Variants in FMO1 observed in about 807,000 individuals in gnomAD.
FMO1 encodes the protein flavin-containing monooxygenase 1.
FMO1 carries 36 observed loss-of-function variants against 45.4 expected under a neutral mutation model. That is an observed-to-expected ratio of 0.79 (90% CI 0.61 to 1.05). FMO1 has a LOEUF of 1.05. FMO1 is among the 50% of genes least tolerant of loss of function. The pLI is 0.00. For synonymous variants in FMO1, 228 were observed against 227.2 expected, an observed-to-expected ratio of 1.00 and a Z score of -0.03; for missense variants, 615 against 640.3, an observed-to-expected ratio of 0.96 and a Z score of 0.43.
chr1:171,283,222 T>C lies in FMO1; in HGVS notation c.1256+6T>C, dbSNP rs1199609455. ...AAAGAAAACAAGCCCAGTTGGTAAGTTAACTACTTAATGCACCCTTTTTAA... is the reference window on the plus strand; with the variant it reads ...AAAGAAAACAAGCCCAGTTGGTAAGCTAACTACTTAATGCACCCTTTTTAA... On this transcript the variant is annotated splice_donor_region_variant and intron_variant, in intron 8 of 8. Transcript: ENST00000617670. The C allele has an allele frequency of 8.2e-7, 1 of 1,215,870 alleles. No homozygotes were observed. The highest frequency in any genetic ancestry group is 1.7e-5 in the African/African-American group (1 of 58,966). 75.3% of individuals were successfully genotyped at this position (1,215,870 alleles called of 1,614,324 possible).
intron 2 of FMO1, among the ~76,000 whole-genome samples, chr1:171,261,932 A>G (rs1003826387): frequency 1.3e-5 from 2 of 152,188 alleles, no homozygotes; most frequent in African/African-American, 2.4e-5. Context: ...CTACAGGGAT[A>G]AAGAACCACT....
At chr1:171,273,573 T>C (rs967868950) in intron 3 of FMO1, among the ~76,000 whole-genome samples, 22 of 152,186 alleles carry the variant, frequency 1.4e-4, no homozygotes, top group Admixed American at 1.1e-3. Flanking sequence ...AGTGGCAGGA[T>C]CTTATCTCAC....
chr1:171,274,459 T>C (rs899355963), intron 3 of FMO1, among the ~76,000 whole-genome samples: 5 of 151,982 alleles, frequency 3.3e-5, no homozygotes, highest in African/African-American at 1.2e-4. Flanking sequence ...AGATGGGATT[T>C]TGCCATGTTG....
At chr1:171,249,512 T>C (rs1659784624) in intron 1 of FMO1, among the ~76,000 whole-genome samples, 1 of 152,202 alleles carries the variant, frequency 6.6e-6, no homozygotes, top group Admixed American at 6.5e-5. Flanking sequence ...TCTTACCAGC[T>C]GTGCTCCTTT....
chr1:171,271,428 G>A, intron 3 of FMO1: 1 of 1,022,988 alleles, frequency 9.8e-7, no homozygotes, highest in Non-Finnish European at 1.6e-6. Flanking sequence ...TTTCTCTTTA[G>A]CAGACATGGT....
chr1:171,260,821 T>G (rs1660346514), intron 2 of FMO1, among the ~76,000 whole-genome samples: 1 of 141,148 alleles, frequency 7.1e-6, no homozygotes. Context: ...TCCCAGCTAC[T>G]CAGGAGGCTG....
At position 171,250,300 on chromosome 1, in the gene FMO1, A is replaced by C. The variant is rs28602552; in HGVS notation, c.-7+1677A>C. 2.9e-3 allele frequency among the ~76,000 whole-genome samples: 443 copies of C among 152,318 alleles called. 5 individuals are homozygous for C. Among genetic ancestry groups the C allele is most frequent in the African/African-American group, 0.01 (427 of 41,550 alleles). ...CTTTTTGTCATAGCAATTGTCAAAC[A>C]CCCAGCTTTGCAAAGATATGATGTC... On this transcript the variant is annotated intron_variant, in intron 1 of 8. Coordinates refer to ENST00000617670, the MANE Select transcript of FMO1 (RefSeq NM_001282693.2).
At chr1:171,276,202 G>C (rs997144590) in intron 4 of FMO1, among the ~76,000 whole-genome samples, 2 of 152,160 alleles carry the variant, frequency 1.3e-5, no homozygotes, top group Non-Finnish European at 2.9e-5. Context: ...ATCATCTAAT[G>C]ATTGCCTAGA....
In FMO1 at chr1:171,281,862, G is replaced by A. The variant is rs138807132; in HGVS notation, c.828-116G>A. ...GAAGTAACATCTCCCAAGACTTGCA[G>A]CAATTCTTGTCCAACCAAGGAGAGA... On this transcript the variant is annotated intron_variant, in intron 6 of 8. Coordinates refer to ENST00000617670, the MANE Select transcript of FMO1 (RefSeq NM_001282693.2). 49 of 613,244 alleles carry A rather than the reference G, an allele frequency of 8.0e-5. No homozygotes were observed. The East Asian group carries it at 1.3e-3, about 16-fold the overall frequency. 38.0% of individuals were successfully genotyped at this position (613,244 alleles called of 1,614,324 possible).
chr1:171,267,089 T>C (rs1456854554), intron 2 of FMO1, among the ~76,000 whole-genome samples: 1 of 152,246 alleles, frequency 6.6e-6, no homozygotes, highest in Non-Finnish European at 1.5e-5. Context: ...CAGCTATCAT[T>C]GCCTCTGCTC....
chr1:171,278,650 G>A (rs1453839053), intron 4 of FMO1, 79 bp from the exon 5 acceptor site: 1 of 1,107,526 alleles, frequency 9.0e-7, no homozygotes, highest in Non-Finnish European at 1.3e-6. Flanking sequence ...TCAAAAGAAT[G>A]TTATCAACTG....
chr1:171,282,295 G>A lies in FMO1; in HGVS notation c.1145G>A (p.Gly382Glu). 1 of 1,613,484 alleles carries A rather than the reference G, an allele frequency of 6.2e-7. No individual in the cohort carries two copies. The highest frequency in any genetic ancestry group is 8.5e-7 in the Non-Finnish European group (1 of 1,179,576). The change falls in exon 7 of 9, where the codon GGA becomes GAA. Residue 382 changes from glycine (G) to glutamate (E), a missense_variant. Transcript: ENST00000617670. The part of the protein sequence containing the change: ...IKPLGSMIPT[G>E]ETQARWAVRV... Reference sequence around the variant, plus strand: ...CCCTTGGGCTCCATGATACCTACAGGAGAAACACAAGCTCGGTGGGCTGTT... The same window carrying A: ...CCCTTGGGCTCCATGATACCTACAGAAGAAACACAAGCTCGGTGGGCTGTT...
intron 1 of FMO1, among the ~76,000 whole-genome samples, chr1:171,250,741 C>T (rs1336188242): frequency 6.6e-6 from 1 of 152,090 alleles, no homozygotes; most frequent in African/African-American, 2.4e-5. Flanking sequence ...AATTTTCACC[C>T]ATTGGCATCT....
chr1:171,258,429 A>T (rs532885496), intron 2 of FMO1, among the ~76,000 whole-genome samples: 4 of 152,202 alleles, frequency 2.6e-5, no homozygotes. Context: ...TGTACACTTT[A>T]TCTAGAGCCA....
intron 3 of FMO1, 55 bp downstream of exon 3, chr1:171,267,786 T>C (rs745316661): frequency 1.4e-5 from 19 of 1,380,458 alleles, no homozygotes; most frequent in Non-Finnish European, 1.7e-5. Context: ...CTATTTTCTC[T>C]TATCTCTCCA....
chr1:171,285,903 G>C lies in FMO1; in HGVS notation c.*359G>C. ...CCCTTACTTCACAAATGATTGTGTT[G>C]TGCTGAAATGGTGCTCTTATAGTAC... On this transcript the variant is annotated 3_prime_UTR_variant, in exon 9 of 9. Coordinates refer to ENST00000617670, the MANE Select transcript of FMO1 (RefSeq NM_001282693.2). 1 of 170,872 alleles carries C rather than the reference G, an allele frequency of 5.9e-6. No individual in the cohort carries two copies. Among genetic ancestry groups the C allele is most frequent in the Non-Finnish European group, 1.2e-5 (1 of 80,978 alleles). The allele number at this position is 170,872 out of a possible 1,614,324, so 10.6% of individuals were successfully genotyped here.
At chr1:171,260,475 T>C (rs747434569) in intron 2 of FMO1, among the ~76,000 whole-genome samples, 5 of 150,904 alleles carry the variant, frequency 3.3e-5, no homozygotes, top group Middle Eastern at 3.2e-3. Flanking sequence ...TCCCCAGAGA[T>C]TGGAGGGGAA....
rs1231768337 is a variant in FMO1, at chr1:171,285,932, C to A, written c.*388C>A. On this transcript the variant is annotated 3_prime_UTR_variant, in exon 9 of 9. Coordinates refer to ENST00000617670, the MANE Select transcript of FMO1 (RefSeq NM_001282693.2). The stretch of plus-strand genomic sequence containing the variant: ...TGAAATGGTGCTCTTATAGTACTGG[C>A]TTATTAAAAGTAAAAAATAAACCTA... 1 of 159,346 alleles carries A rather than the reference C, an allele frequency of 6.3e-6. No homozygotes were observed. The highest frequency in any genetic ancestry group is 1.8e-4 in the East Asian group (1 of 5,534). 9.9% of individuals were successfully genotyped at this position (159,346 alleles called of 1,614,324 possible).
intron 2 of FMO1, among the ~76,000 whole-genome samples, chr1:171,266,583 T>C (rs1200008697): frequency 6.6e-6 from 1 of 152,242 alleles, no homozygotes; most frequent in Non-Finnish European, 1.5e-5. Context: ...CTGTGATTGC[T>C]GTGTATTTCA....
Sources: allele counts gnomAD v4.1 joint callset (sites outside exome capture counted in the v4.1 genomes callset), GRCh38; gene constraint gnomAD v4.1.1; transcripts MANE v1.5; gene names NCBI Gene and HGNC (gene_info 2026-07-23, HGNC 2026-07-21).